The following PCDHGA8 variants were observed in gnomAD, a reference collection of about 807,000 sequenced individuals.
PCDHGA8 encodes protocadherin gamma-A8.
In PCDHGA8, 45 loss-of-function variants were observed where a neutral mutation model predicts 59.2. That is an observed-to-expected ratio of 0.76 (90% CI 0.60 to 0.98). PCDHGA8 has a LOEUF of 0.98. Ranked by LOEUF, PCDHGA8 falls within the 50% of genes least tolerant of loss-of-function variation. The pLI is 0.00. For missense variants in PCDHGA8, 1,257 were observed against 1,196.2 expected, an observed-to-expected ratio of 1.05 and a Z score of -0.75; for synonymous variants, 531 against 519.0, an observed-to-expected ratio of 1.02 and a Z score of -0.32.
intron 1 of PCDHGA8, chr5:141,403,657 A>G (rs753978186): frequency 2.5e-6 from 4 of 1,613,924 alleles, no homozygotes; most frequent in East Asian, 2.2e-5. Context: ...TGTTGGATAC[A>G]AATGATAATG....
At chr5:141,419,227 C>G in intron 1 of PCDHGA8, 1 of 1,614,024 alleles carries the variant, frequency 6.2e-7, no homozygotes, top group South Asian at 1.1e-5. Flanking sequence ...GACAGTCAGC[C>G]TACCTGGTCC....
intron 1 of PCDHGA8, chr5:141,419,964 T>A (rs151105903): frequency 1.2e-6 from 2 of 1,613,964 alleles, no homozygotes; most frequent in African/African-American, 2.7e-5. Context: ...ATTTCTGTGC[T>A]CTTTCTCCTC....
At chr5:141,438,591 C>CATATATATAT (rs946798767) in intron 1 of PCDHGA8, among the ~76,000 whole-genome samples, 17 of 75,552 alleles carry the variant, frequency 2.3e-4, no homozygotes, top group Non-Finnish European at 3.8e-4. Context: ...TACATACATA[C>CATATATATAT]ATATATATAT....
At chr5:141,417,602 C>T (rs556223277) in intron 1 of PCDHGA8, 2 of 510,170 alleles carry the variant, frequency 3.9e-6, no homozygotes, top group Admixed American at 3.8e-5. Context: ...TGGGCGCCGC[C>T]GTCGGCCAGT....
chr5:141,447,164 G>T (rs2098528799), intron 1 of PCDHGA8, among the ~76,000 whole-genome samples: 1 of 151,766 alleles, frequency 6.6e-6, no homozygotes, highest in South Asian at 2.1e-4. Context: ...GTTTAAGCGG[G>T]GTCTTGCTCT....
At chr5:141,494,232 A>T (rs2099752983) in intron 1 of PCDHGA8, among the ~76,000 whole-genome samples, 1 of 152,168 alleles carries the variant, frequency 6.6e-6, no homozygotes, top group African/African-American at 2.4e-5. Flanking sequence ...TCCTAAATTA[A>T]TAATGTATTT....
chr5:141,431,965 T>C lies in PCDHGA8; in HGVS notation c.2424+36728T>C, dbSNP rs765281339. The C allele has an allele frequency of 4.0e-5, 64 of 1,614,098 alleles. No homozygotes were observed. In the East Asian group the frequency reaches 4.9e-4, roughly 12 times the overall value. On this transcript the variant is annotated intron_variant, in intron 1 of 3. Transcript: ENST00000398604. This position sits in a 1 kb window ranked among gnomAD's most constrained non-coding sequence, Gnocchi z 4.8. Reference sequence around the variant, plus strand: ...TAGAAAAATCTTACGGAAATTACTATAGTTTAGTCACAGACATAGTCTTGG... The same window carrying C: ...TAGAAAAATCTTACGGAAATTACTACAGTTTAGTCACAGACATAGTCTTGG...
chr5:141,458,848 T>C (rs1044462303), intron 1 of PCDHGA8, among the ~76,000 whole-genome samples: 1 of 152,182 alleles, frequency 6.6e-6, no homozygotes, highest in Non-Finnish European at 1.5e-5. Flanking sequence ...TCCTCCCACC[T>C]CAGCCTTCCA....
intron 1 of PCDHGA8, chr5:141,418,495 G>T (rs745982190): frequency 6.2e-7 from 1 of 1,613,974 alleles, no homozygotes; most frequent in South Asian, 1.1e-5. Context: ...ACTTGGTACT[G>T]ACCGCCTTAG....
intron 2 of PCDHGA8, among the ~76,000 whole-genome samples, chr5:141,499,496 T>C (rs1167360015): frequency 6.6e-6 from 1 of 152,182 alleles, no homozygotes; most frequent in East Asian, 1.9e-4. Flanking sequence ...CAGTTTAATA[T>C]GAAACATTTC....
At position 141,392,965 on chromosome 5, in the gene PCDHGA8, A is replaced by C; in HGVS notation, c.152A>C (p.Asp51Ala). ...TCCTTCGTGGGTAATATCTCCAAGG[A>C]CCTGGGGCTGGACCCCCGGAAGCTG... ...KGSFVGNISK[D>A]LGLDPRKLAK... Residue 51 changes from aspartate to alanine, a missense_variant, in exon 1 of 4, where the codon GAC (aspartate) becomes GCC (alanine). Asp to Ala is a moderately radical substitution (Grantham distance 126, BLOSUM62 -2). Coordinates refer to ENST00000398604, the MANE Select transcript of PCDHGA8 (RefSeq NM_032088.2). 6.2e-7 allele frequency: 1 copy of C among 1,613,890 alleles called. No individual in the cohort carries two copies. Among genetic ancestry groups the C allele is most frequent in the East Asian group, 2.2e-5 (1 of 44,864 alleles).
At chr5:141,415,372 G>A in intron 1 of PCDHGA8, 1 of 1,614,252 alleles carries the variant, frequency 6.2e-7, no homozygotes, top group Non-Finnish European at 8.5e-7. Flanking sequence ...GCAGGCTTCA[G>A]GAGGCGGCTT....
Position 141,486,682 on chromosome 5 carries a change from A to C in PCDHGA8, c.2425-8125A>C, listed in dbSNP as rs781547951. 1.4e-5 allele frequency: 22 copies of C among 1,614,064 alleles called. No individual in the cohort carries two copies. The African/African-American group carries it at 2.3e-4, about 17-fold the overall frequency. ...TGGAGCCCAGGAATCGAGATGTATC[A>C]GCTTCCTCTTTCATCTCTCTGAACC... On this transcript the variant is annotated intron_variant, in intron 1 of 3. Coordinates refer to ENST00000398604, the MANE Select transcript of PCDHGA8 (RefSeq NM_032088.2). The surrounding 1 kb of genome is among the most constrained non-coding windows in gnomAD (Gnocchi z 5.0).
chr5:141,509,513 T>C (rs2099877131), intron 3 of PCDHGA8, among the ~76,000 whole-genome samples: 2 of 152,068 alleles, frequency 1.3e-5, no homozygotes, highest in Non-Finnish European at 2.9e-5. Flanking sequence ...ACGGTGTTGA[T>C]GATGTATTGC....
intron 1 of PCDHGA8, chr5:141,412,940 T>G: frequency 2.2e-6 from 1 of 463,218 alleles, no homozygotes; most frequent in Non-Finnish European, 3.8e-6. Context: ...CTTAGGACTC[T>G]GAGCGCCGCT....
intron 2 of PCDHGA8, among the ~76,000 whole-genome samples, chr5:141,500,180 TTA>T (rs2099797073): frequency 7.1e-6 from 1 of 140,608 alleles, no homozygotes; most frequent in African/African-American, 2.8e-5. Flanking sequence ...AGCTTCATTT[TTA>T]TTTTTATTTA....
At chr5:141,435,024 C>T (rs1263332887) in intron 1 of PCDHGA8, among the ~76,000 whole-genome samples, 3 of 151,970 alleles carry the variant, frequency 2.0e-5, no homozygotes, top group Non-Finnish European at 4.4e-5. Context: ...ATGCTCTTTT[C>T]CCACTTTTAT....
chr5:141,451,716 T>C (rs947058540), intron 1 of PCDHGA8, among the ~76,000 whole-genome samples: 1 of 152,092 alleles, frequency 6.6e-6, no homozygotes, highest in Non-Finnish European at 1.5e-5. Context: ...ACCCTGCCTC[T>C]ACTAAAAATA....
chr5:141,428,073 G>A (rs2097106496), intron 1 of PCDHGA8: 1 of 1,609,082 alleles, frequency 6.2e-7, no homozygotes, highest in Admixed American at 1.7e-5. Flanking sequence ...CGCAGATTCG[G>A]GACACAACGC....
Sources: allele counts gnomAD v4.1 joint callset (sites outside exome capture counted in the v4.1 genomes callset), GRCh38; gene constraint gnomAD v4.1.1; non-coding constraint Gnocchi (gnomAD v3.1); transcripts MANE v1.5; gene names NCBI Gene and HGNC (gene_info 2026-07-23, HGNC 2026-07-21).